Variants in NACC2 observed in about 807,000 individuals in gnomAD.
NACC2 encodes the protein NACC family member 2.
In NACC2, 8 loss-of-function variants were observed where a neutral mutation model predicts 25.1. The observed-to-expected ratio is 0.32, with a 90% CI of 0.19 to 0.57. The LOEUF is 0.57. Ranked by LOEUF, NACC2 falls within the 20% of genes least tolerant of loss-of-function variation. The probability of loss-of-function intolerance (pLI) is 0.89; values close to 1 mark genes in which losing one functional copy is unlikely to be tolerated. For synonymous variants in NACC2, 435 were observed against 294.7 expected (o/e 1.48, Z -4.88); for missense variants, 644 against 650.2 (o/e 0.99, Z 0.10).
intron 1 of NACC2, among the ~76,000 whole-genome samples, chr9:136,082,246 G>A (rs11103320): frequency 0.24 from 37,013 of 152,128 alleles, 4,641 homozygotes; most frequent in East Asian, 0.42. Context: ...GTGTGGCCAC[G>A]CCACGGCCTG....
At chr9:136,025,959 G>T (rs1364107491) in intron 2 of NACC2, among the ~76,000 whole-genome samples, 2 of 151,998 alleles carry the variant, frequency 1.3e-5, no homozygotes, top group Admixed American at 6.6e-5. Context: ...GAACTCAAAA[G>T]AATTATTTAG....
chr9:136,032,843 C>T (rs1840493921), intron 2 of NACC2, among the ~76,000 whole-genome samples: 1 of 151,922 alleles, frequency 6.6e-6, no homozygotes. Flanking sequence ...TGGTGAAACC[C>T]CGTCTCTATT....
chr9:136,062,872 G>A (rs758755804), intron 1 of NACC2, among the ~76,000 whole-genome samples: 2 of 152,148 alleles, frequency 1.3e-5, no homozygotes, highest in Non-Finnish European at 1.5e-5. Flanking sequence ...TGCCGTGATC[G>A]TGCCACTGTA....
intron 2 of NACC2, among the ~76,000 whole-genome samples, chr9:136,017,420 C>T (rs1840220139): frequency 6.6e-6 from 1 of 152,246 alleles, no homozygotes; most frequent in African/African-American, 2.4e-5. Flanking sequence ...CTGCTGGACA[C>T]CCAGCATGCA....
chr9:136,042,077 C>T (rs2131155277), intron 2 of NACC2, among the ~76,000 whole-genome samples: 1 of 152,304 alleles, frequency 6.6e-6, no homozygotes, highest in Non-Finnish European at 1.5e-5. Flanking sequence ...TAACCTCCAC[C>T]TCCTGGGTTC....
chr9:136,090,837 C>A (rs1830426969), intron 1 of NACC2, among the ~76,000 whole-genome samples: 1 of 150,590 alleles, frequency 6.6e-6, no homozygotes, highest in South Asian at 2.1e-4. Context: ...GGCCGGCCAG[C>A]CCTGGGCTTG....
chr9:136,082,219 C>T (rs1272895967), intron 1 of NACC2, among the ~76,000 whole-genome samples: 1 of 152,214 alleles, frequency 6.6e-6, no homozygotes, highest in Non-Finnish European at 1.5e-5. Flanking sequence ...CCAGGGTCTT[C>T]ACCCTCAGGA....
intron 1 of NACC2, among the ~76,000 whole-genome samples, chr9:136,053,980 C>T (rs941130830): frequency 1.3e-5 from 2 of 152,188 alleles, no homozygotes; most frequent in Non-Finnish European, 2.9e-5. Context: ...TCCTAGGTCC[C>T]GTGGGCACCA....
chr9:136,048,660 T>A (rs1320309293), intron 2 of NACC2, among the ~76,000 whole-genome samples: 1 of 152,228 alleles, frequency 6.6e-6, no homozygotes, highest in African/African-American at 2.4e-5. Context: ...GGGAGCCAGG[T>A]TGGCCAAAGC....
chr9:136,033,257 G>C (rs1408340846), intron 2 of NACC2, among the ~76,000 whole-genome samples: 2 of 152,122 alleles, frequency 1.3e-5, no homozygotes, highest in Non-Finnish European at 2.9e-5. Flanking sequence ...AGTTAGCAAG[G>C]TAAGCAGACT....
At chr9:136,076,478 G>A (rs1245294487) in intron 1 of NACC2, among the ~76,000 whole-genome samples, 2 of 152,234 alleles carry the variant, frequency 1.3e-5, no homozygotes, top group East Asian at 1.9e-4. Context: ...ACTCACACGC[G>A]GGCACAGAGC....
chr9:136,078,646 G>A (rs995813227), intron 1 of NACC2, among the ~76,000 whole-genome samples: 2 of 152,228 alleles, frequency 1.3e-5, no homozygotes, highest in African/African-American at 4.8e-5. Context: ...GCCCAGCCCC[G>A]ACATCGGGAC....
chr9:136,080,700 T>A (rs1230197151), intron 1 of NACC2, among the ~76,000 whole-genome samples: 1 of 152,170 alleles, frequency 6.6e-6, no homozygotes, highest in African/African-American at 2.4e-5. Context: ...TTGGAGGTCG[T>A]GGAGTGTGGG....
At chr9:136,060,499 C>T (rs535651625) in intron 1 of NACC2, among the ~76,000 whole-genome samples, 1 of 152,374 alleles carries the variant, frequency 6.6e-6, no homozygotes, top group Non-Finnish European at 1.5e-5. Flanking sequence ...AGGCCCAGGC[C>T]CCATCCCTCT....
chr9:136,077,639 C>G (rs562692787), intron 1 of NACC2, among the ~76,000 whole-genome samples: 6 of 150,522 alleles, frequency 4.0e-5, no homozygotes, highest in Non-Finnish European at 7.4e-5. Flanking sequence ...ACAGGCCCTT[C>G]ACAGAGGAGA....
Position 136,013,159 on chromosome 9 carries a change from G to GCCCCCGCCCCCCCCCCCCCCGAGAACC in NACC2, c.1255+39_1255+40insGGTTCTCGGGGGGGGGGGGGGCGGGGG. On this transcript the variant is annotated intron_variant, in intron 5 of 5. Coordinates refer to ENST00000277554, the MANE Select transcript of NACC2 (RefSeq NM_144653.5). This position sits in a 1 kb window ranked among gnomAD's most constrained non-coding sequence, Gnocchi z 6.6. Reference sequence around the variant, plus strand: ...CTCCTCAGGCTGGGATCTGAACCCAGCCCCGGCCCCACCCACCCGAGAGAC... The same window carrying GCCCCCGCCCCCCCCCCCCCCGAGAACC: ...CTCCTCAGGCTGGGATCTGAACCCAGCCCCCGCCCCCCCCCCCCCCGAGAACCCCCCGGCCCCACCCACCCGAGAGAC... 1.3e-6 allele frequency: 1 copy of GCCCCCGCCCCCCCCCCCCCCGAGAACC among 754,890 alleles called. No homozygotes were observed. The highest frequency in any genetic ancestry group is 2.3e-6 in the Non-Finnish European group (1 of 425,914). The allele number at this position is 754,890 out of a possible 1,614,324, so 46.8% of individuals were successfully genotyped here. A position where few individuals can be genotyped will look rare whatever the true frequency, so the allele number is the denominator to read the frequency against.
At chr9:136,058,087 T>C (rs2131168737) in intron 1 of NACC2, among the ~76,000 whole-genome samples, 1 of 151,740 alleles carries the variant, frequency 6.6e-6, no homozygotes, top group African/African-American at 2.4e-5. Flanking sequence ...ACAGAAACAC[T>C]ACATCAGCCA....
chr9:136,039,454 C>T (rs1159327947), intron 2 of NACC2, among the ~76,000 whole-genome samples: 2 of 151,942 alleles, frequency 1.3e-5, no homozygotes, highest in East Asian at 1.9e-4. Flanking sequence ...ATCAACTCTT[C>T]GAAAAAACAA....
chr9:136,057,671 G>C (rs1174772556), intron 1 of NACC2, among the ~76,000 whole-genome samples: 2 of 152,256 alleles, frequency 1.3e-5, no homozygotes, highest in Non-Finnish European at 2.9e-5. Context: ...CAGGGCTGCA[G>C]TAGGGTCTCC....
Sources: allele counts gnomAD v4.1 joint callset (sites outside exome capture counted in the v4.1 genomes callset), GRCh38; gene constraint gnomAD v4.1.1; non-coding constraint Gnocchi (gnomAD v3.1); transcripts MANE v1.5; gene names NCBI Gene and HGNC (gene_info 2026-07-23, HGNC 2026-07-21).